Variants in ZNF100 observed in about 807,000 individuals in gnomAD.
ZNF100 encodes zinc finger protein 100 (Y1).
ZNF100 carries 12 observed loss-of-function variants against 15.8 expected under a neutral mutation model. That is an observed-to-expected ratio of 0.76 (90% CI 0.49 to 1.23). ZNF100 has a LOEUF of 1.23. Among genes scored for constraint, ZNF100 ranks in the 50% most tolerant of loss-of-function variants. ZNF100 has a pLI of 0.00. For synonymous variants in ZNF100, 226 were observed against 214.8 expected, an observed-to-expected ratio of 1.05 and a Z score of -0.45; for missense variants, 670 against 635.6, an observed-to-expected ratio of 1.05 and a Z score of -0.58.
At position 21,724,541 on chromosome 19, in the gene ZNF100, GTAAT is replaced by G. The variant is rs1225402032; in HGVS notation, c.*2138_*2141del. 6.6e-6 allele frequency: 1 copy of G among 151,966 alleles called. No homozygotes were observed. The highest frequency in any genetic ancestry group is 1.5e-5 in the Non-Finnish European group (1 of 67,998). The allele number at this position is 151,966 out of a possible 1,614,324, so 9.4% of individuals were successfully genotyped here. On this transcript the variant is annotated 3_prime_UTR_variant, in exon 5 of 5. Transcript: ENST00000358296. ...TTATTATGACCATAAAAATAACACT[GTAAT>G]CAATAACAATTTAATTTTACATTTT...
intron 2 of ZNF100, 98 bp from the exon 3 acceptor site, chr19:21,745,165 T>C (rs1406089051): frequency 2.0e-6 from 3 of 1,495,982 alleles, no homozygotes; most frequent in Admixed American, 2.4e-5. Context: ...GCAAAGAGAA[T>C]TGGTTCTGAT....
chr19:21,752,050 G>A (rs983642627), intron 2 of ZNF100: 7 of 263,018 alleles, frequency 2.7e-5, no homozygotes, highest in Admixed American at 5.0e-5. Context: ...TTCAAGAGAC[G>A]CACGGACAAC....
intron 2 of ZNF100, among the ~76,000 whole-genome samples, chr19:21,757,593 A>G (rs2036411658): frequency 6.6e-6 from 1 of 152,272 alleles, no homozygotes; most frequent in African/African-American, 2.4e-5. Flanking sequence ...CATCGGACCC[A>G]GCAACCTCTT....
intron 4 of ZNF100, 136 bp from the exon 5 acceptor site, chr19:21,728,125 T>C: frequency 1.2e-6 from 1 of 829,096 alleles, no homozygotes; most frequent in Non-Finnish European, 1.6e-6. Flanking sequence ...TATAGACATA[T>C]AAATGTAAAA....
chr19:21,751,522 T>C (rs753915239), intron 2 of ZNF100: 36 of 1,129,124 alleles, frequency 3.2e-5, no homozygotes, highest in Non-Finnish European at 4.6e-5. Context: ...AAATCGACAT[T>C]TGCCCCACTA....
Position 21,726,334 on chromosome 19 carries a change from TAA to T in ZNF100, c.*347_*348del, listed in dbSNP as rs961583102. 1.3e-4 allele frequency: 28 copies of T among 217,496 alleles called. No individual in the cohort carries two copies. Among genetic ancestry groups the T allele is most frequent in the Admixed American group, 1.2e-3 (23 of 19,632 alleles). 13.5% of individuals were successfully genotyped at this position (217,496 alleles called of 1,614,324 possible). On this transcript the variant is annotated 3_prime_UTR_variant, in exon 5 of 5. Coordinates refer to ENST00000358296, the MANE Select transcript of ZNF100 (RefSeq NM_173531.4). ...TTCCTGTGAAGGTGTGAGCATTAGT[TAA>T]AAGTTTTGTCACACTGTTCACACAT...
At chr19:21,759,726 C>T (rs922714829) in intron 2 of ZNF100, among the ~76,000 whole-genome samples, 6 of 152,150 alleles carry the variant, frequency 3.9e-5, no homozygotes, top group East Asian at 1.9e-4. Context: ...GGTGCCATGA[C>T]GGTTTACAAA....
chr19:21,759,431 TAC>T (rs1204736432), intron 2 of ZNF100, among the ~76,000 whole-genome samples: 1 of 152,234 alleles, frequency 6.6e-6, no homozygotes, highest in Non-Finnish European at 1.5e-5. Context: ...CATTATGAAT[TAC>T]ACAGTGCTCT....
intron 4 of ZNF100, among the ~76,000 whole-genome samples, chr19:21,728,542 A>G (rs1163315014): frequency 6.6e-6 from 1 of 152,128 alleles, no homozygotes; most frequent in South Asian, 2.1e-4. Flanking sequence ...TATTATTAAG[A>G]AGAAACATGA....
chr19:21,738,487 T>C (rs555198609), intron 4 of ZNF100, among the ~76,000 whole-genome samples: 34 of 151,914 alleles, frequency 2.2e-4, no homozygotes, highest in Non-Finnish European at 4.1e-4. Flanking sequence ...TGAAACAGAA[T>C]AGAGAACTCA....
In ZNF100 at chr19:21,742,619, GAAGT is replaced by G. The variant is rs1375289043; in HGVS notation, c.322+1394_322+1397del. ...ATGCTTCTATTTTAACGTAGGACTGGAAGTAAGTGGCAGAATGATGAGTCAAAAA... is the reference window on the plus strand; with the variant it reads ...ATGCTTCTATTTTAACGTAGGACTGGAAGTGGCAGAATGATGAGTCAAAAA... On this transcript the variant is annotated intron_variant, in intron 4 of 4. Transcript: ENST00000358296. 2.4e-4 allele frequency among the ~76,000 whole-genome samples: 37 copies of G among 152,108 alleles called. 1 individual carries two copies. Among genetic ancestry groups the G allele is most frequent in the African/African-American group, 7.5e-4 (31 of 41,516 alleles).
At position 21,725,262 on chromosome 19, in the gene ZNF100, A is replaced by G. The variant is rs1436365485; in HGVS notation, c.*1421T>C. On this transcript the variant is annotated 3_prime_UTR_variant, in exon 5 of 5. Transcript: ENST00000358296. ...ATAATAACACTTCACTGAATGCACAATAGTATTTAACATGTTAAAAAGGTT... is the reference window on the plus strand; with the variant it reads ...ATAATAACACTTCACTGAATGCACAGTAGTATTTAACATGTTAAAAAGGTT... 2 of 152,178 alleles carry G rather than the reference A, an allele frequency of 1.3e-5. No individual in the cohort carries two copies. Among genetic ancestry groups the G allele is most frequent in the Non-Finnish European group, 2.9e-5 (2 of 68,030 alleles). The allele number at this position is 152,178 out of a possible 1,614,324, so 9.4% of individuals were successfully genotyped here. A position where few individuals can be genotyped will look rare whatever the true frequency, so the allele number is the denominator to read the frequency against.
In ZNF100 at chr19:21,745,190, A is replaced by G. The variant is rs1431118402; in HGVS notation, c.97-123T>C. On this transcript the variant is annotated intron_variant, in intron 2 of 4. Coordinates refer to ENST00000358296, the MANE Select transcript of ZNF100 (RefSeq NM_173531.4). The stretch of plus-strand genomic sequence containing the variant: ...TTGGTTCTGATTAATAGAAATGACA[A>G]ATTTTCCAATAATTTTTAACACAGA... 18 of 1,413,498 alleles carry G rather than the reference A, an allele frequency of 1.3e-5. No individual in the cohort carries two copies. The South Asian group carries it at 2.6e-4, about 20-fold the overall frequency. 87.6% of individuals were successfully genotyped at this position (1,413,498 alleles called of 1,614,324 possible).
chr19:21,738,543 G>A (rs1444459696), intron 4 of ZNF100, among the ~76,000 whole-genome samples: 1 of 152,018 alleles, frequency 6.6e-6, no homozygotes, highest in Non-Finnish European at 1.5e-5. Context: ...TGAAAAACCT[G>A]ACAAAAACAA....
At chr19:21,765,530 ATATT>A (rs1221515162) in intron 2 of ZNF100, among the ~76,000 whole-genome samples, 160 bp downstream of exon 2, 1 of 151,954 alleles carries the variant, frequency 6.6e-6, no homozygotes, top group African/African-American at 2.4e-5. Flanking sequence ...ATTTTTCTTT[ATATT>A]TATTTCACTA....
At chr19:21,748,370 C>G (rs896128510) in intron 2 of ZNF100, among the ~76,000 whole-genome samples, 1 of 152,068 alleles carries the variant, frequency 6.6e-6, no homozygotes, top group African/African-American at 2.4e-5. Flanking sequence ...AGAACTGGGG[C>G]AGGGAAAGGA....
intron 4 of ZNF100, among the ~76,000 whole-genome samples, chr19:21,737,502 T>C (rs1490531590): frequency 6.8e-6 from 1 of 147,814 alleles, no homozygotes; most frequent in Non-Finnish European, 1.5e-5. Context: ...ACCATCACAC[T>C]CCAGCCTGGG....
intron 4 of ZNF100, among the ~76,000 whole-genome samples, chr19:21,742,451 G>A (rs1207329071): frequency 3.5e-5 from 5 of 143,978 alleles, no homozygotes; most frequent in Non-Finnish European, 7.5e-5. Context: ...CTGAGATCGC[G>A]CTATTGCACT....
At chr19:21,734,709 C>A (rs10421401) in intron 4 of ZNF100, among the ~76,000 whole-genome samples, 22,555 of 151,882 alleles carry the variant, frequency 0.15, 1,985 homozygotes, top group Non-Finnish European at 0.19. Flanking sequence ...ATCCAGAGGA[C>A]CCCAGTAAGA....
Sources: allele counts gnomAD v4.1 joint callset (sites outside exome capture counted in the v4.1 genomes callset), GRCh38; gene constraint gnomAD v4.1.1; transcripts MANE v1.5; gene names NCBI Gene and HGNC (gene_info 2026-07-23, HGNC 2026-07-21).